KIAA1671: variants seen among roughly 807,000 people sequenced by gnomAD.
KIAA1671 encodes uncharacterized protein KIAA1671.
KIAA1671 carries 52 observed loss-of-function variants against 131.2 expected under a neutral mutation model. The ratio of observed to expected loss-of-function variants is 0.40; its 90% confidence interval spans 0.32 to 0.50. KIAA1671 has a LOEUF of 0.50. Ranked by LOEUF, KIAA1671 falls within the 20% of genes least tolerant of loss-of-function variation. KIAA1671 has a pLI of 0.73. For synonymous variants in KIAA1671, 1,003 were observed against 961.6 expected, an observed-to-expected ratio of 1.04 and a Z score of -0.80; for missense variants, 2,360 against 2,364.2, an observed-to-expected ratio of 1.00 and a Z score of 0.04.
chr22:25,100,420 C>T (rs1930603238), intron 6 of KIAA1671, among the ~76,000 whole-genome samples: 1 of 152,200 alleles, frequency 6.6e-6, no homozygotes, highest in African/African-American at 2.4e-5. Flanking sequence ...GAACACAGGG[C>T]AAGGTCTTCC....
Position 25,039,580 on chromosome 22 carries a change from G to T in KIAA1671, c.2450G>T (p.Cys817Phe). ...EASGPKFGGN[C>F]PFPKWTGGAV... ...AGTGGACCGAAGTTTGGGGGCAATT[G>T]CCCGTTTCCCAAATGGACAGGCGGG... The change falls in exon 5 of 13, where the codon TGC becomes TTC. Residue 817 changes from cysteine (C) to phenylalanine (F), a missense_variant. Physicochemically the swap from Cys to Phe is radical, Grantham distance 205. Around this residue, in one of 3 missense-constraint regions of KIAA1671, gnomAD observed 1,185 missense variants for 1,126.2 expected, o/e 1.05. Transcript: ENST00000358431. 1 of 1,551,786 alleles carries T rather than the reference G, an allele frequency of 6.4e-7. No homozygotes were observed. Among genetic ancestry groups the T allele is most frequent in the Non-Finnish European group, 8.7e-7 (1 of 1,147,000 alleles).
At chr22:25,069,418 G>T (rs1928685812) in intron 6 of KIAA1671, among the ~76,000 whole-genome samples, 1 of 152,164 alleles carries the variant, frequency 6.6e-6, no homozygotes, top group Admixed American at 6.5e-5. Flanking sequence ...TCTGAAAATT[G>T]ACATTCTCCT....
intron 1 of KIAA1671, among the ~76,000 whole-genome samples, chr22:24,960,608 A>T (rs1319110498): frequency 2.8e-5 from 4 of 141,244 alleles, no homozygotes; most frequent in African/African-American, 1.0e-4. Context: ...CTATGAGCTT[A>T]TTTAACCGAT....
At chr22:25,068,223 G>A (rs113186817) in intron 6 of KIAA1671, among the ~76,000 whole-genome samples, 4 of 151,630 alleles carry the variant, frequency 2.6e-5, no homozygotes, top group Admixed American at 1.3e-4. Flanking sequence ...CAGGGAGCAG[G>A]GCCGGCCTTC....
intron 6 of KIAA1671, chr22:25,053,592 G>A (rs1350084770): frequency 6.6e-6 from 1 of 152,140 alleles, no homozygotes; most frequent in Non-Finnish European, 1.5e-5. Context: ...TTCTTTTTGG[G>A]CCTACTATGC....
intron 6 of KIAA1671, among the ~76,000 whole-genome samples, chr22:25,081,791 C>G (rs1929421306): frequency 6.6e-6 from 1 of 152,046 alleles, no homozygotes; most frequent in Admixed American, 6.6e-5. Context: ...AGTCCAACAT[C>G]AGGAGAGAAT....
Position 25,039,101 on chromosome 22 carries a change from G to C in KIAA1671, c.1971G>C (p.Trp657Cys). 6.4e-7 allele frequency: 1 copy of C among 1,551,512 alleles called. No homozygotes were observed. Among genetic ancestry groups the C allele is most frequent in the Non-Finnish European group, 8.7e-7 (1 of 1,147,016 alleles). The change falls in exon 5 of 13, where the codon TGG becomes TGC. Residue 657 changes from tryptophan (W) to cysteine (C), a missense_variant. By Grantham distance (215) the Trp-to-Cys change is radical. Coordinates refer to ENST00000358431, the MANE Select transcript of KIAA1671 (RefSeq NM_001145206.2). ...EPRPRPEMGSWLGRDPPDMTK... is the reference protein window; with the variant it reads ...EPRPRPEMGSCLGRDPPDMTK... ...GGCCGAGGCCTGAGATGGGCTCTTGGCTGGGCAGGGACCCACCAGACATGA... is the reference window on the plus strand; with the variant it reads ...GGCCGAGGCCTGAGATGGGCTCTTGCCTGGGCAGGGACCCACCAGACATGA...
intron 6 of KIAA1671, 94 bp from the exon 7 acceptor site, chr22:25,170,726 C>CTGGG: frequency 7.9e-7 from 1 of 1,262,366 alleles, no homozygotes; most frequent in Non-Finnish European, 1.1e-6. Flanking sequence ...TGGGTTTGAG[C>CTGGG]TGGGGGCCAT....
At chr22:25,182,500 A>G (rs1934329419) in intron 10 of KIAA1671, among the ~76,000 whole-genome samples, 1 of 152,006 alleles carries the variant, frequency 6.6e-6, no homozygotes, top group Non-Finnish European at 1.5e-5. Context: ...AGTTGCAAAA[A>G]TAACTCAGGG....
chr22:25,080,229 C>G (rs1929334180), intron 6 of KIAA1671, among the ~76,000 whole-genome samples: 1 of 152,164 alleles, frequency 6.6e-6, no homozygotes, highest in Non-Finnish European at 1.5e-5. Context: ...CCACCTCTTC[C>G]CGTAGCTCCC....
intron 6 of KIAA1671, among the ~76,000 whole-genome samples, chr22:25,130,419 G>A (rs2058188131): frequency 6.6e-6 from 1 of 152,150 alleles, no homozygotes; most frequent in African/African-American, 2.4e-5. Context: ...CATCGTATTT[G>A]ATCCCAAACC....
intron 11 of KIAA1671, chr22:25,186,173 A>G (rs1408132295): frequency 6.6e-6 from 1 of 152,224 alleles, no homozygotes; most frequent in Non-Finnish European, 1.5e-5. Context: ...CAGCCCACAG[A>G]ATCAGGAATA....
intron 1 of KIAA1671, among the ~76,000 whole-genome samples, chr22:24,972,592 C>T (rs931523604): frequency 1.3e-5 from 2 of 152,100 alleles, no homozygotes; most frequent in African/African-American, 4.8e-5. Flanking sequence ...TTCCTTCTTT[C>T]CATCTACTAC....
chr22:25,190,249 A>G (rs1368659239), intron 11 of KIAA1671, among the ~76,000 whole-genome samples: 1 of 151,984 alleles, frequency 6.6e-6, no homozygotes, highest in Non-Finnish European at 1.5e-5. Flanking sequence ...TTCTCATGAG[A>G]AGCTCGCAAC....
At chr22:25,142,002 G>C (rs1056493695) in intron 6 of KIAA1671, among the ~76,000 whole-genome samples, 2 of 152,314 alleles carry the variant, frequency 1.3e-5, no homozygotes, top group Admixed American at 1.3e-4. Context: ...AAAATGAGGA[G>C]AGATGGGATG....
rs1033961845 is a variant in KIAA1671 at position 25,040,036 on chromosome 22, C to T, written c.2906C>T (p.Ser969Phe). 72 of 1,551,712 alleles carry T rather than the reference C, an allele frequency of 4.6e-5. No individual in the cohort carries two copies. The African/African-American group carries it at 9.4e-4, about 20-fold the overall frequency. The change falls in exon 5 of 13, where the codon TCT (serine) becomes TTT (phenylalanine). Residue 969 changes from serine to phenylalanine, a missense_variant. Ser to Phe is a radical substitution (Grantham distance 155). Transcript: ENST00000358431. ...TTCAGTTCTCTTGTCCCAGAGGACT[C>T]TCCACATGTGGGGCACAGACGAACA... ...DTFSSLVPED[S>F]PHVGHRRTDY...
chr22:24,989,463 C>T (rs981284070), intron 1 of KIAA1671, among the ~76,000 whole-genome samples: 1 of 152,162 alleles, frequency 6.6e-6, no homozygotes, highest in South Asian at 2.1e-4. Flanking sequence ...ATAACCCTTG[C>T]TCTATCGCCT....
chr22:24,953,616 G>T (rs1194517512), intron 1 of KIAA1671, among the ~76,000 whole-genome samples: 1 of 151,980 alleles, frequency 6.6e-6, no homozygotes, highest in Non-Finnish European at 1.5e-5. Context: ...CCGGGCTCAC[G>T]GGTGGGGCCC....
chr22:25,016,688 G>A (rs904029651), intron 1 of KIAA1671, among the ~76,000 whole-genome samples: 1 of 152,208 alleles, frequency 6.6e-6, no homozygotes, highest in Non-Finnish European at 1.5e-5. Flanking sequence ...CTGGGGAAGA[G>A]GGGAATGGGG....
Sources: gnomAD v4.1 joint callset for allele counts (sites outside exome capture counted in the v4.1 genomes callset) on GRCh38, gnomAD v4.1.1 for gene constraint, gnomAD v4.1.1 regional missense constraint, MANE v1.5 for transcripts, NCBI Gene and HGNC (gene_info 2026-07-23, HGNC 2026-07-21) for gene names.